The following TCF20 variants were observed in gnomAD, a reference collection of about 807,000 sequenced individuals.
TCF20 encodes transcription factor 20, also known as SPRE-binding protein.
Under a neutral mutation model 148.6 loss-of-function variants are expected in TCF20, and 3 were observed. The ratio of observed to expected loss-of-function variants is 0.02; its 90% confidence interval spans 0.01 to 0.05. The LOEUF (loss-of-function observed/expected upper bound fraction) is 0.05. TCF20 is among the 10% of genes least tolerant of loss of function. TCF20 has a pLI of 1.00. For synonymous variants in TCF20, 1,049 were observed against 909.5 expected (o/e 1.15, Z -2.76); for missense variants, 2,350 against 2,429.3 (o/e 0.97, Z 0.69).
chr22:42,298,426 T>C (rs745913969), intron 1 of TCF20, among the ~76,000 whole-genome samples: 5 of 152,188 alleles, frequency 3.3e-5, no homozygotes, highest in African/African-American at 4.8e-5. Flanking sequence ...ACAGGAGTAG[T>C]GTCACTATGG....
At chr22:42,323,581 G>A (rs1051254521) in intron 1 of TCF20, among the ~76,000 whole-genome samples, 1 of 151,766 alleles carries the variant, frequency 6.6e-6, no homozygotes, top group Non-Finnish European at 1.5e-5. Context: ...TTTCAGGAGG[G>A]GATATAGCAA....
intron 1 of TCF20, among the ~76,000 whole-genome samples, chr22:42,216,464 C>T (rs1285416668): frequency 1.3e-5 from 2 of 152,164 alleles, no homozygotes; most frequent in African/African-American, 4.8e-5. Flanking sequence ...GGGTTCCACA[C>T]AAACTTTGGA....
chr22:42,300,276 AC>A (rs1294105770), intron 1 of TCF20, among the ~76,000 whole-genome samples: 1 of 151,898 alleles, frequency 6.6e-6, no homozygotes, highest in Non-Finnish European at 1.5e-5. Context: ...AGTGAAGACC[AC>A]CCAGCTACTC....
At chr22:42,185,873 G>A (rs1277576203) in intron 2 of TCF20, among the ~76,000 whole-genome samples, 1 of 152,176 alleles carries the variant, frequency 6.6e-6, no homozygotes. Flanking sequence ...TCTGGCACCA[G>A]CCTCTGGGAC....
Position 42,224,333 on chromosome 22 carries a change from G to A in TCF20, c.-36-8992C>T, listed in dbSNP as rs778540943. Among the ~76,000 whole-genome samples, 31 of 151,768 alleles carry A rather than the reference G, an allele frequency of 2.0e-4. 1 individual carries two copies. The highest frequency in any genetic ancestry group is 5.9e-5 in the Non-Finnish European group (4 of 67,952). On this transcript the variant is annotated intron_variant, in intron 1 of 5. Coordinates refer to ENST00000677622, the MANE Select transcript of TCF20 (RefSeq NM_001378418.1). ...AAAAATACAAAAAAATTAGTCGGGC[G>A]TGGTGGTAGGCACCTGTAGTCCCAG...
chr22:42,327,417 A>C (rs1308071857), intron 1 of TCF20, among the ~76,000 whole-genome samples: 1 of 152,144 alleles, frequency 6.6e-6, no homozygotes, highest in East Asian at 1.9e-4. Flanking sequence ...ATGAGATAGA[A>C]GCCAGAGGTG....
At chr22:42,331,058 C>A (rs544275996) in intron 1 of TCF20, among the ~76,000 whole-genome samples, 5 of 152,342 alleles carry the variant, frequency 3.3e-5, no homozygotes, top group Non-Finnish European at 5.9e-5. Flanking sequence ...CCTGGGCATG[C>A]GGTTGCACTG....
At chr22:42,272,176 C>G (rs946677229), upstream of TCF20, among the ~76,000 whole-genome samples, 1 of 152,232 alleles carries the variant, frequency 6.6e-6, no homozygotes, top group Non-Finnish European at 1.5e-5. Flanking sequence ...CGGGGCCCTG[C>G]CCTCTGATTA....
chr22:42,298,319 G>A (rs1165415306), intron 1 of TCF20, among the ~76,000 whole-genome samples: 1 of 152,236 alleles, frequency 6.6e-6, no homozygotes, highest in Non-Finnish European at 1.5e-5. Context: ...GTGAAGGTGG[G>A]CACATGGGCG....
chr22:42,209,983 TCTGCTG>T lies in TCF20; in HGVS notation c.5317_5322del (p.Gln1773_Gln1774del), dbSNP rs745763431. On this transcript the variant is annotated inframe_deletion, in exon 2 of 6. Coordinates refer to ENST00000677622, the MANE Select transcript of TCF20 (RefSeq NM_001378418.1). The stretch of plus-strand genomic sequence containing the variant: ...TGTGCGGCCAGGCTTCTCTGCTCCT[TCTGCTG>T]CTGCTGCTGCTCTTCCTCCTCCTCA... The T allele has an allele frequency of 1.1e-5, 17 of 1,613,300 alleles. No homozygotes were observed. The African/African-American group carries it at 1.9e-4, about 18-fold the overall frequency.
At chr22:42,262,145 T>C (rs1022713619) in intron 1 of TCF20, among the ~76,000 whole-genome samples, 1 of 151,956 alleles carries the variant, frequency 6.6e-6, no homozygotes, top group Non-Finnish European at 1.5e-5. Flanking sequence ...GTGGGGGAGT[T>C]TGGAATCTAA....
chr22:42,165,063 A>T (rs1935698575), intron 5 of TCF20, among the ~76,000 whole-genome samples: 2 of 152,226 alleles, frequency 1.3e-5, no homozygotes, highest in South Asian at 4.1e-4. Flanking sequence ...GCTGCTGAGC[A>T]GTGGCAGGGA....
intron 2 of TCF20, among the ~76,000 whole-genome samples, chr22:42,189,755 C>T (rs912104519): frequency 1.5e-4 from 23 of 152,174 alleles, no homozygotes; most frequent in African/African-American, 5.1e-4. Flanking sequence ...AGGACAACAA[C>T]GACAAATCTA....
chr22:42,208,578 G>T (rs993333987), intron 2 of TCF20, among the ~76,000 whole-genome samples: 2 of 152,032 alleles, frequency 1.3e-5, no homozygotes, highest in African/African-American at 4.8e-5. Context: ...ATTCCAGCCT[G>T]AGTGACAACA....
intron 2 of TCF20, among the ~76,000 whole-genome samples, chr22:42,180,446 T>C (rs1936714721): frequency 6.6e-6 from 1 of 152,176 alleles, no homozygotes; most frequent in Non-Finnish European, 1.5e-5. Flanking sequence ...CTGCTGTGAG[T>C]GCTCATCCTG....
At chr22:42,322,900 T>TTG (rs1555959518) in intron 1 of TCF20, among the ~76,000 whole-genome samples, 20 of 150,776 alleles carry the variant, frequency 1.3e-4, no homozygotes, top group African/African-American at 4.6e-4. Flanking sequence ...CTGGTTTTTT[T>TTG]TTTGTTTGTT....
At chr22:42,270,725 C>CGGG (rs1170649365), upstream of TCF20, among the ~76,000 whole-genome samples, 1 of 135,904 alleles carries the variant, frequency 7.4e-6, no homozygotes, top group African/African-American at 2.7e-5. Flanking sequence ...CGGGAGGGCG[C>CGGG]GCGGCGGGGC....
In TCF20 at chr22:42,283,670, CCCCTGCCCAGCCCTG is replaced by C. The variant is rs1177488604; in HGVS notation, c.-37+142_-37+156del. Among the ~76,000 whole-genome samples the C allele has an allele frequency of 3.3e-5, 5 of 152,058 alleles. No individual in the cohort carries two copies. In the East Asian group the frequency reaches 9.7e-4, roughly 29 times the overall value. ...AAGGCAGTAAAGGCCGCCCGGGAGG[CCCCTGCCCAGCCCTG>C]CCCTGGCCCGGCGCGGCCCCTGCCC... On this transcript the variant is annotated intron_variant, in intron 1 of 5. Transcript: ENST00000359486.
intron 1 of TCF20, among the ~76,000 whole-genome samples, chr22:42,238,830 ACAT>A (rs1924113953): frequency 6.6e-6 from 1 of 152,202 alleles, no homozygotes; most frequent in Non-Finnish European, 1.5e-5. Flanking sequence ...TACAAAAGTA[ACAT>A]CAGGCCGGGC....
Sources: gnomAD v4.1 joint callset for allele counts (sites outside exome capture counted in the v4.1 genomes callset) on GRCh38, gnomAD v4.1.1 for gene constraint, MANE v1.5 for transcripts, NCBI Gene and HGNC (gene_info 2026-07-23, HGNC 2026-07-21) for gene names.